The following DOCK7 variants were observed in gnomAD, a reference collection of about 807,000 sequenced individuals.
The protein encoded by DOCK7 is dedicator of cytokinesis 7.
Under a neutral mutation model 271.0 loss-of-function variants are expected in DOCK7, and 138 were observed. The ratio of observed to expected loss-of-function variants is 0.51; its 90% confidence interval spans 0.44 to 0.59. The LOEUF (loss-of-function observed/expected upper bound fraction) is 0.59, where lower values mean the gene tolerates loss of function less well. DOCK7 is among the 20% of genes least tolerant of loss of function. The probability of loss-of-function intolerance (pLI) is 0.00; values close to 1 mark genes in which losing one functional copy is unlikely to be tolerated. For synonymous variants in DOCK7, 823 were observed against 876.1 expected (o/e 0.94, Z 1.07); for missense variants, 2,066 against 2,592.4 (o/e 0.80, Z 4.41).
At chr1:62,645,906 G>A (rs1194818055) in intron 7 of DOCK7, among the ~76,000 whole-genome samples, 3 of 151,882 alleles carry the variant, frequency 2.0e-5, no homozygotes, top group African/African-American at 7.3e-5. Flanking sequence ...CCAGCACTTT[G>A]GGAGGCTGAG....
intron 33 of DOCK7, among the ~76,000 whole-genome samples, chr1:62,512,125 T>C (rs1245344104): frequency 6.6e-6 from 1 of 152,218 alleles, no homozygotes; most frequent in Non-Finnish European, 1.5e-5. Context: ...CTTTTCATTA[T>C]TACAAAACAT....
chr1:62,687,940 G>A (rs1453330734), intron 1 of DOCK7, among the ~76,000 whole-genome samples: 1 of 152,192 alleles, frequency 6.6e-6, no homozygotes, highest in Non-Finnish European at 1.5e-5. Flanking sequence ...GTCCAGGCCC[G>A]GGCCGCCGAG....
At chr1:62,605,065 T>C (rs1650778203) in intron 14 of DOCK7, 2 of 424,676 alleles carry the variant, frequency 4.7e-6, no homozygotes, top group Non-Finnish European at 8.5e-6. Context: ...CAATTTTAGA[T>C]GGTCACAATC....
chr1:62,552,991 C>A (rs1645961774), intron 21 of DOCK7, 90 bp from the exon 22 acceptor site: 2 of 944,900 alleles, frequency 2.1e-6, no homozygotes, highest in Non-Finnish European at 2.9e-6. Context: ...GAAAATTCCA[C>A]AAAGATCATG....
chr1:62,538,695 TAAAC>T (rs1346841468), intron 27 of DOCK7, among the ~76,000 whole-genome samples: 3 of 152,174 alleles, frequency 2.0e-5, no homozygotes, highest in African/African-American at 7.2e-5. Context: ...TTAGAAGAAA[TAAAC>T]AATAAAGGCA....
chr1:62,597,811 T>G (rs1373030963), intron 14 of DOCK7: 1 of 1,613,386 alleles, frequency 6.2e-7, no homozygotes, highest in South Asian at 1.1e-5. Context: ...GATCAGTCTT[T>G]TTATGATCTA....
Position 62,555,895 on chromosome 1 carries a change from G to A in DOCK7, c.2526C>T (p.Asn842=). ...AATGAATATATGATGCAAGAAGGCT[G>A]TTTCTGCCATGCTGGTCATGATTTC... ...LEGNHDQHGR[N]SLLASYIHYV... is the part of the protein sequence containing the mutation. Residue 842 remains asparagine, a synonymous_variant, in exon 21 of 50, where the codon AAC becomes AAT. Coordinates refer to ENST00000635253, the MANE Select transcript of DOCK7 (RefSeq NM_001367561.1). 1 of 1,613,884 alleles carries A rather than the reference G, an allele frequency of 6.2e-7. No homozygotes were observed. The highest frequency in any genetic ancestry group is 8.5e-7 in the Non-Finnish European group (1 of 1,179,900).
intron 9 of DOCK7, chr1:62,634,535 A>T (rs1332072890): frequency 3.3e-6 from 1 of 305,302 alleles, no homozygotes. Flanking sequence ...TACAATAATC[A>T]AAACAGATCT....
chr1:62,550,611 T>G (rs147482853), intron 22 of DOCK7, among the ~76,000 whole-genome samples: 2 of 152,156 alleles, frequency 1.3e-5, no homozygotes, highest in African/African-American at 4.8e-5. Flanking sequence ...TCTCAAGACA[T>G]GTTTAGCTGC....
At chr1:62,589,176 T>C (rs1256046856) in intron 14 of DOCK7, among the ~76,000 whole-genome samples, 1 of 152,222 alleles carries the variant, frequency 6.6e-6, no homozygotes, top group Admixed American at 6.5e-5. Flanking sequence ...AACCATCATA[T>C]GAGAGGCAGG....
chr1:62,493,655 A>G lies in DOCK7; in HGVS notation c.5217+620T>C, dbSNP rs141508898. ...TTCCTGAGTCTTTGTAAAACATTCA[A>G]CTTTGTTTTCCGAGAAACGATAACT... On this transcript the variant is annotated intron_variant, in intron 40 of 49. Coordinates refer to ENST00000635253, the MANE Select transcript of DOCK7 (RefSeq NM_001367561.1). Among the ~76,000 whole-genome samples, 425 of 152,328 alleles carry G rather than the reference A, an allele frequency of 2.8e-3. 1 individual carries two copies. The highest frequency in any genetic ancestry group is 9.8e-3 in the African/African-American group (409 of 41,578).
chr1:62,616,887 T>C (rs1162302464), intron 14 of DOCK7, among the ~76,000 whole-genome samples: 1 of 151,672 alleles, frequency 6.6e-6, no homozygotes. Flanking sequence ...CAGAAGACAG[T>C]AGTTATATTT....
chr1:62,660,839 A>C (rs1658574781), intron 2 of DOCK7, among the ~76,000 whole-genome samples: 1 of 152,206 alleles, frequency 6.6e-6, no homozygotes, highest in Non-Finnish European at 1.5e-5. Flanking sequence ...ATGGTGGCTC[A>C]CATCTGTAAT....
At chr1:62,656,101 ATCT>A (rs1400292101) in intron 2 of DOCK7, among the ~76,000 whole-genome samples, 6 of 152,332 alleles carry the variant, frequency 3.9e-5, no homozygotes, top group African/African-American at 1.2e-4. Context: ...GAAAAGAGAA[ATCT>A]TCTTTAACCA....
At chr1:62,647,097 G>A (rs1656766083) in intron 7 of DOCK7, among the ~76,000 whole-genome samples, 1 of 152,096 alleles carries the variant, frequency 6.6e-6, no homozygotes, top group Non-Finnish European at 1.5e-5. Flanking sequence ...CCTATGAGTT[G>A]CTTGTTTCAG....
At chr1:62,630,846 T>A (rs745717047) in intron 11 of DOCK7, among the ~76,000 whole-genome samples, 1 of 152,122 alleles carries the variant, frequency 6.6e-6, no homozygotes, top group South Asian at 2.1e-4. Flanking sequence ...AAATCCTTTT[T>A]ATGCAATATT....
At chr1:62,481,135 C>A (rs1646113663) in intron 43 of DOCK7, among the ~76,000 whole-genome samples, 1 of 151,982 alleles carries the variant, frequency 6.6e-6, no homozygotes, top group African/African-American at 2.4e-5. Flanking sequence ...CGACGTGCAT[C>A]CCAGGCAGAG....
At chr1:62,638,885 A>G in intron 7 of DOCK7, among the ~76,000 whole-genome samples, 1 of 151,976 alleles carries the variant, frequency 6.6e-6, no homozygotes. Context: ...CAAATCAAAA[A>G]TGCATAAACA....
chr1:62,679,760 C>T (rs1660904213), intron 1 of DOCK7, among the ~76,000 whole-genome samples: 2 of 152,092 alleles, frequency 1.3e-5, no homozygotes, highest in South Asian at 2.1e-4. Flanking sequence ...ATAAAGATTG[C>T]CATCTATGAG....
Sources: allele counts gnomAD v4.1 joint callset (sites outside exome capture counted in the v4.1 genomes callset), GRCh38; gene constraint gnomAD v4.1.1; transcripts MANE v1.5; gene names NCBI Gene and HGNC (gene_info 2026-07-23, HGNC 2026-07-21).